ATAD2B: variants seen among roughly 807,000 people sequenced by gnomAD.
The protein encoded by ATAD2B is ATPase family AAA domain containing 2B, also known as ATPase family AAA domain-containing protein 2B.
Under a neutral mutation model 167.6 loss-of-function variants are expected in ATAD2B, and 40 were observed. The ratio of observed to expected loss-of-function variants is 0.24; its 90% CI spans 0.19 to 0.31. ATAD2B has a LOEUF of 0.31. Ranked by LOEUF, ATAD2B falls within the 10% of genes least tolerant of loss-of-function variation. ATAD2B has a pLI of 1.00. For missense variants in ATAD2B, 1,242 were observed against 1,757.2 expected (o/e 0.71, Z 5.24); for synonymous variants, 579 against 596.5 (o/e 0.97, Z 0.43).
chr2:23,726,853 C>T, the ATAD2B span, among the ~76,000 whole-genome samples: 1 of 152,086 alleles, frequency 6.6e-6, no homozygotes, highest in Non-Finnish European at 1.5e-5. Flanking sequence ...ATGAAAAGTG[C>T]TCCGGAGATG....
intron 9 of ATAD2B, among the ~76,000 whole-genome samples, chr2:23,868,930 G>A (rs977703100): frequency 6.6e-6 from 1 of 152,034 alleles, no homozygotes; most frequent in African/African-American, 2.4e-5. Context: ...TATCAAAGTA[G>A]ATTATCAGAA....
chr2:23,710,501 G>A, the ATAD2B span, among the ~76,000 whole-genome samples: 1 of 152,218 alleles, frequency 6.6e-6, no homozygotes, highest in Non-Finnish European at 1.5e-5. Context: ...AACGCTTTTA[G>A]AGAGCAGTGA....
chr2:23,763,331 G>C (rs989068390), intron 23 of ATAD2B, among the ~76,000 whole-genome samples: 6 of 152,096 alleles, frequency 3.9e-5, no homozygotes, highest in Admixed American at 6.5e-5. Context: ...ACTCCAACAG[G>C]TTTTTGTTCC....
the ATAD2B span, among the ~76,000 whole-genome samples, chr2:23,737,069 C>A: frequency 6.6e-6 from 1 of 152,234 alleles, no homozygotes; most frequent in South Asian, 2.1e-4. Flanking sequence ...CTGGATGGAG[C>A]CCACCACAGC....
Position 23,876,040 on chromosome 2 carries a change from C to A in ATAD2B, c.902-136G>T, listed in dbSNP as rs116755682. Reference sequence around the variant, plus strand: ...GACAGAGTCTTGCTCTAACGCCAGGCTGGAATGCAGTGGCGCGATCTCGGC... The same window carrying A: ...GACAGAGTCTTGCTCTAACGCCAGGATGGAATGCAGTGGCGCGATCTCGGC... On this transcript the variant is annotated intron_variant, in intron 7 of 27. Coordinates refer to ENST00000238789, the MANE Select transcript of ATAD2B (RefSeq NM_017552.4). 3.9e-3 allele frequency: 2,590 copies of A among 660,220 alleles called. 48 individuals carry two copies. In the African/African-American group the frequency reaches 0.042, roughly 11 times the overall value. The allele number at this position is 660,220 out of a possible 1,614,324, so 40.9% of individuals were successfully genotyped here.
the ATAD2B span, among the ~76,000 whole-genome samples, chr2:23,723,957 C>T: frequency 1.3e-5 from 2 of 152,126 alleles, no homozygotes; most frequent in African/African-American, 4.8e-5. Context: ...GAATGAAATC[C>T]TGCCATTTGC....
At chr2:23,852,388 G>T (rs1692707107) in intron 13 of ATAD2B, among the ~76,000 whole-genome samples, 1 of 151,984 alleles carries the variant, frequency 6.6e-6, no homozygotes, top group African/African-American at 2.4e-5. Context: ...GCCTCTCAAA[G>T]TGTTGAGATT....
At chr2:23,728,232 A>C in the ATAD2B span, among the ~76,000 whole-genome samples, 1 of 152,214 alleles carries the variant, frequency 6.6e-6, no homozygotes, top group African/African-American at 2.4e-5. Context: ...GCTTTAAAAA[A>C]AAGGTCTATT....
chr2:23,821,055 GA>G (rs1267914139), intron 16 of ATAD2B, among the ~76,000 whole-genome samples: 2 of 152,074 alleles, frequency 1.3e-5, no homozygotes, highest in Admixed American at 6.5e-5. Flanking sequence ...ATTTATCTAA[GA>G]AAAATATTAA....
At chr2:23,863,630 C>T (rs1434702637) in intron 11 of ATAD2B, 75 bp from the exon 12 acceptor site, 26 of 1,292,898 alleles carry the variant, frequency 2.0e-5, no homozygotes, top group Non-Finnish European at 2.5e-5. Flanking sequence ...AAAAATGTCC[C>T]CCCCTTCCAT....
At chr2:23,917,602 ATT>A (rs943954804) in intron 1 of ATAD2B, among the ~76,000 whole-genome samples, 1 of 145,358 alleles carries the variant, frequency 6.9e-6, no homozygotes. Context: ...GCTTACCGGG[ATT>A]TTTTTTTTTT....
intron 1 of ATAD2B, among the ~76,000 whole-genome samples, chr2:23,925,790 A>G (rs769399641): frequency 6.6e-6 from 1 of 152,210 alleles, no homozygotes; most frequent in Non-Finnish European, 1.5e-5. Flanking sequence ...ATATAGTCCC[A>G]TAACAAAAAT....
At chr2:23,860,946 G>A (rs546283026) in intron 12 of ATAD2B, among the ~76,000 whole-genome samples, 22 of 152,092 alleles carry the variant, frequency 1.4e-4, no homozygotes, top group Middle Eastern at 3.4e-3. Context: ...ACTCCAGCCC[G>A]GGCGACAAAA....
intron 1 of ATAD2B, among the ~76,000 whole-genome samples, chr2:23,921,607 T>C (rs565081748): frequency 1.4e-4 from 22 of 152,284 alleles, no homozygotes; most frequent in African/African-American, 5.3e-4. Context: ...ATAAGTTTCA[T>C]CCATGACCTA....
At chr2:23,893,712 C>T (rs561228056) in intron 2 of ATAD2B, among the ~76,000 whole-genome samples, 2 of 149,574 alleles carry the variant, frequency 1.3e-5, no homozygotes, top group Non-Finnish European at 3.0e-5. Context: ...CTCTGCCACC[C>T]GGGATGGAGT....
intron 8 of ATAD2B, among the ~76,000 whole-genome samples, chr2:23,873,963 G>T (rs1457834513): frequency 2.6e-5 from 4 of 152,072 alleles, no homozygotes; most frequent in East Asian, 3.9e-4. Context: ...GAGGCAGGCA[G>T]ATCACTTGAG....
chr2:23,680,070 GGAT>G, the ATAD2B span, among the ~76,000 whole-genome samples: 1 of 152,194 alleles, frequency 6.6e-6, no homozygotes, highest in Non-Finnish European at 1.5e-5. The surrounding 1 kb of genome is among the most constrained non-coding windows in gnomAD (Gnocchi z 4.1). Flanking sequence ...GTGGCTGTGA[GGAT>G]GCAGTGTGGA....
chr2:23,880,279 T>TA (rs1000865180), intron 7 of ATAD2B, among the ~76,000 whole-genome samples: 24 of 151,552 alleles, frequency 1.6e-4, no homozygotes, highest in South Asian at 4.2e-4. Context: ...GTATATGTAG[T>TA]AAAAAAAAAT....
chr2:23,896,118 C>G (rs1700117466), intron 1 of ATAD2B, 148 bp from the exon 2 acceptor site: 1 of 429,586 alleles, frequency 2.3e-6, no homozygotes, highest in African/African-American at 2.1e-5. Context: ...GAGTTCAAGA[C>G]CAGACTGGCC....
Sources: gnomAD v4.1 joint callset for allele counts (sites outside exome capture counted in the v4.1 genomes callset) on GRCh38, gnomAD v4.1.1 for gene constraint, Gnocchi (gnomAD v3.1) non-coding constraint, MANE v1.5 for transcripts, NCBI Gene and HGNC (gene_info 2026-07-23, HGNC 2026-07-21) for gene names.